The following KIRREL3 variants were observed in gnomAD, a reference collection of about 807,000 sequenced individuals.
KIRREL3 encodes kirre like nephrin family adhesion molecule 3.
In KIRREL3, 36 loss-of-function variants were observed where a neutral mutation model predicts 89.7. The ratio of observed to expected loss-of-function variants is 0.40; its 90% CI spans 0.31 to 0.53. The LOEUF (loss-of-function observed/expected upper bound fraction) is 0.53. Ranked by LOEUF, KIRREL3 falls within the 20% of genes least tolerant of loss-of-function variation. The pLI is 0.49. For synonymous variants in KIRREL3, 445 were observed against 441.4 expected (o/e 1.01, Z -0.10); for missense variants, 864 against 1,056.6 (o/e 0.82, Z 2.53).
In KIRREL3 at chr11:126,764,842, C is replaced by G. The variant is rs1592093459; in HGVS notation, c.56-201930G>C. ...CTCAGAGGGGCAGCTCTCCTTTGGACTAGGCCTTTGGCAGGAGTCCTCTAC... is the reference window on the plus strand; with the variant it reads ...CTCAGAGGGGCAGCTCTCCTTTGGAGTAGGCCTTTGGCAGGAGTCCTCTAC... On this transcript the variant is annotated intron_variant, in intron 1 of 16. Coordinates refer to ENST00000525144, the MANE Select transcript of KIRREL3 (RefSeq NM_032531.4). The surrounding 1 kb of genome is among the most constrained non-coding windows in gnomAD (Gnocchi z 4.2). Among the ~76,000 whole-genome samples the G allele has an allele frequency of 2.0e-5, 3 of 152,332 alleles. No homozygotes were observed. The South Asian group carries it at 6.2e-4, about 32-fold the overall frequency.
intron 1 of KIRREL3, among the ~76,000 whole-genome samples, chr11:126,765,765 G>A (rs10893566): frequency 0.14 from 21,370 of 152,104 alleles, 2,059 homozygotes; most frequent in Non-Finnish European, 0.21. Flanking sequence ...CTCCTCAGGC[G>A]GATTAATTGT....
chr11:126,972,033 C>T lies in KIRREL3; in HGVS notation c.55+28422G>A, dbSNP rs112175831. Among the ~76,000 whole-genome samples, 202 of 152,284 alleles carry T rather than the reference C, an allele frequency of 1.3e-3. 2 individuals carry two copies. Among genetic ancestry groups the T allele is most frequent in the African/African-American group, 4.5e-3 (187 of 41,558 alleles). On this transcript the variant is annotated intron_variant, in intron 1 of 16. Transcript: ENST00000525144. The stretch of plus-strand genomic sequence containing the variant: ...TGACACACAAGCTCATCTGATTTCT[C>T]TTGTTTGGAAAGTTGAAATCTCCGG...
At position 126,763,602 on chromosome 11, in the gene KIRREL3, A is replaced by T. The variant is rs192497674; in HGVS notation, c.56-200690T>A. 6.7e-3 allele frequency among the ~76,000 whole-genome samples: 1,025 copies of T among 152,298 alleles called. 4 individuals carry two copies. The highest frequency in any genetic ancestry group is 0.01 in the Non-Finnish European group (712 of 68,026). On this transcript the variant is annotated intron_variant, in intron 1 of 16. Coordinates refer to ENST00000525144, the MANE Select transcript of KIRREL3 (RefSeq NM_032531.4). The surrounding 1 kb of genome is among the most constrained non-coding windows in gnomAD (Gnocchi z 4.7). ...GGCTGAGGGACCAAGGCCCAGCGAG[A>T]GTAGGTGGTAGGTAGGCAATGGCCA... is the stretch of plus-strand genomic sequence containing the variant.
At position 126,776,339 on chromosome 11, in the gene KIRREL3, T is replaced by G. The variant is rs529348060; in HGVS notation, c.56-213427A>C. Among the ~76,000 whole-genome samples the G allele has an allele frequency of 6.6e-6, 1 of 152,104 alleles. No individual in the cohort carries two copies. The highest frequency in any genetic ancestry group is 1.9e-4 in the East Asian group (1 of 5,160). On this transcript the variant is annotated intron_variant, in intron 1 of 16. Transcript: ENST00000525144. The surrounding 1 kb of genome is among the most constrained non-coding windows in gnomAD (Gnocchi z 4.7). The stretch of plus-strand genomic sequence containing the variant: ...CATGGAGGGAACACTAGCCTGAGAG[T>G]CAAAACACCTGGGCTTCAGGTCTGT...
intron 1 of KIRREL3, among the ~76,000 whole-genome samples, chr11:126,856,990 T>C (rs181460030): frequency 2.4e-4 from 36 of 152,290 alleles, no homozygotes; most frequent in Admixed American, 2.0e-4. Context: ...GCATCCAGTT[T>C]AACTGAGTGG....
chr11:126,984,024 C>G (rs1591424892), intron 1 of KIRREL3, among the ~76,000 whole-genome samples: 1 of 152,182 alleles, frequency 6.6e-6, no homozygotes, highest in East Asian at 1.9e-4. Context: ...GAGGTTAATT[C>G]TCCCCATGAG....
intron 1 of KIRREL3, among the ~76,000 whole-genome samples, chr11:126,854,732 T>A (rs963270273): frequency 6.6e-6 from 1 of 152,232 alleles, no homozygotes; most frequent in Non-Finnish European, 1.5e-5. Context: ...CCTTTGGGTA[T>A]ATACCTGGAA....
intron 1 of KIRREL3, among the ~76,000 whole-genome samples, chr11:126,597,663 C>T (rs1036335034): frequency 1.2e-4 from 19 of 152,142 alleles, no homozygotes; most frequent in Non-Finnish European, 2.4e-4. Flanking sequence ...GTGCCTTCCC[C>T]GACAGAGGAT....
rs554831869 is a variant in KIRREL3, at chr11:126,724,808, G to A, written c.56-161896C>T. Among the ~76,000 whole-genome samples the A allele has an allele frequency of 2.1e-3, 315 of 152,272 alleles. No homozygotes were observed. Among genetic ancestry groups the A allele is most frequent in the African/African-American group, 7.4e-3 (306 of 41,556 alleles). On this transcript the variant is annotated intron_variant, in intron 1 of 16. Coordinates refer to ENST00000525144, the MANE Select transcript of KIRREL3 (RefSeq NM_032531.4). The surrounding 1 kb of genome is among the most constrained non-coding windows in gnomAD (Gnocchi z 4.3). ...TATTAGACCTGCCTATGGGCCAAGG[G>A]TTCTTACTAATAGATTTTGAATAAC...
intron 1 of KIRREL3, among the ~76,000 whole-genome samples, chr11:126,728,816 T>C (rs1948495996): frequency 6.6e-6 from 1 of 152,222 alleles, no homozygotes; most frequent in Admixed American, 6.5e-5. Flanking sequence ...CTCTCTTCTC[T>C]CCTGCATTAA....
rs1949650071 is a variant in KIRREL3 at position 126,978,834 on chromosome 11, G to A, written c.55+21621C>T. ...ATGTCCCCTGGGTCCCTACCTCTCT[G>A]CACCCGGGATGCTTATTCTCTTACC... is the stretch of plus-strand genomic sequence containing the variant. On this transcript the variant is annotated intron_variant, in intron 1 of 16. Coordinates refer to ENST00000525144, the MANE Select transcript of KIRREL3 (RefSeq NM_032531.4). This position sits in a 1 kb window ranked among gnomAD's most constrained non-coding sequence, Gnocchi z 4.2. Among the ~76,000 whole-genome samples, 1 of 152,126 alleles carries A rather than the reference G, an allele frequency of 6.6e-6. No individual in the cohort carries two copies. Among genetic ancestry groups the A allele is most frequent in the Admixed American group, 6.5e-5 (1 of 15,270 alleles).
At chr11:126,770,985 G>C (rs1244911383) in intron 1 of KIRREL3, among the ~76,000 whole-genome samples, 2 of 152,112 alleles carry the variant, frequency 1.3e-5, no homozygotes, top group African/African-American at 4.8e-5. Context: ...ACAGGTGCTT[G>C]CCACCAGGCC....
At position 126,876,515 on chromosome 11, in the gene KIRREL3, T is replaced by C. The variant is rs1784321; in HGVS notation, c.55+123940A>G. Among the ~76,000 whole-genome samples, 129,393 of 151,238 alleles carry C rather than the reference T, an allele frequency of 0.86. 55,558 individuals carry two copies. Among genetic ancestry groups the C allele is most frequent in the East Asian group, 1 (5,113 of 5,118 alleles). On this transcript the variant is annotated intron_variant, in intron 1 of 16. Coordinates refer to ENST00000525144, the MANE Select transcript of KIRREL3 (RefSeq NM_032531.4). The surrounding 1 kb of genome is among the most constrained non-coding windows in gnomAD (Gnocchi z 4.1). ...GATACACCTATCCTAGTGCTTGGCTTACAGTACATACTCATAAATATGCTT... is the reference window on the plus strand; with the variant it reads ...GATACACCTATCCTAGTGCTTGGCTCACAGTACATACTCATAAATATGCTT...
rs1255848090 is a variant in KIRREL3 at position 126,705,266 on chromosome 11, G to T, written c.56-142354C>A. ...GAGGTTTGTCCTCTTCAAATCTCAT[G>T]TTGAAATGTGATCCCCAGTATTGAA... On this transcript the variant is annotated intron_variant, in intron 1 of 16. Coordinates refer to ENST00000525144, the MANE Select transcript of KIRREL3 (RefSeq NM_032531.4). This position sits in a 1 kb window ranked among gnomAD's most constrained non-coding sequence, Gnocchi z 4.3. Among the ~76,000 whole-genome samples, 1 of 152,182 alleles carries T rather than the reference G, an allele frequency of 6.6e-6. No individual in the cohort carries two copies. The highest frequency in any genetic ancestry group is 1.5e-5 in the Non-Finnish European group (1 of 68,030).
rs546438903 is a variant in KIRREL3, at chr11:126,943,044, A to C, written c.55+57411T>G. On this transcript the variant is annotated intron_variant, in intron 1 of 16. Coordinates refer to ENST00000525144, the MANE Select transcript of KIRREL3 (RefSeq NM_032531.4). This position sits in a 1 kb window ranked among gnomAD's most constrained non-coding sequence, Gnocchi z 4.2. ...GATTTTATTCTAAGATATTCCCTCC[A>C]ATCCCCACCCACTGCAGACAAAGTC... Among the ~76,000 whole-genome samples, 1 of 152,308 alleles carries C rather than the reference A, an allele frequency of 6.6e-6. No individual in the cohort carries two copies. The highest frequency in any genetic ancestry group is 1.5e-5 in the Non-Finnish European group (1 of 68,026).
At chr11:126,722,392 G>T (rs1447138053) in intron 1 of KIRREL3, among the ~76,000 whole-genome samples, 1 of 152,152 alleles carries the variant, frequency 6.6e-6, no homozygotes, top group African/African-American at 2.4e-5. Flanking sequence ...AACATTTCTT[G>T]TATGTATTTA....
intron 1 of KIRREL3, among the ~76,000 whole-genome samples, chr11:126,973,921 T>G (rs1233815716): frequency 6.6e-6 from 1 of 152,172 alleles, no homozygotes. Context: ...TTCCTTCCCT[T>G]GTGGTACTTG....
chr11:126,649,039 A>C (rs930403226), intron 1 of KIRREL3, among the ~76,000 whole-genome samples: 4 of 152,202 alleles, frequency 2.6e-5, no homozygotes, highest in African/African-American at 4.8e-5. Context: ...GCACTTCTTA[A>C]ATGGAGATGG....
At chr11:126,919,449 T>C (rs1177018480) in intron 1 of KIRREL3, among the ~76,000 whole-genome samples, 1 of 152,230 alleles carries the variant, frequency 6.6e-6, no homozygotes, top group African/African-American at 2.4e-5. Flanking sequence ...ACTTTAAACC[T>C]TGGTAGTTCT....
Sources: gnomAD v4.1 joint callset for allele counts (sites outside exome capture counted in the v4.1 genomes callset) on GRCh38, gnomAD v4.1.1 for gene constraint, Gnocchi (gnomAD v3.1) non-coding constraint, MANE v1.5 for transcripts, NCBI Gene and HGNC (gene_info 2026-07-23, HGNC 2026-07-21) for gene names.